EXTL3: variants seen among roughly 807,000 people sequenced by gnomAD.
EXTL3 encodes exostosin like glycosyltransferase 3.
Under a neutral mutation model 69.3 loss-of-function variants are expected in EXTL3, and 27 were observed. The observed-to-expected ratio is 0.39, with a 90% CI of 0.29 to 0.54. The LOEUF is 0.54. EXTL3 is among the 20% of genes least tolerant of loss of function. EXTL3 has a pLI of 0.69. For missense variants in EXTL3, 1,003 were observed against 1,231.8 expected (o/e 0.81, Z 2.78); for synonymous variants, 511 against 499.4 (o/e 1.02, Z -0.31).
intron 3 of EXTL3, among the ~76,000 whole-genome samples, chr8:28,727,526 A>G (rs1195565826): frequency 6.6e-6 from 1 of 152,170 alleles, no homozygotes; most frequent in African/African-American, 2.4e-5. Context: ...CTAGATATCA[A>G]ATCATTGTAG....
chr8:28,740,306 C>CT (rs1258777848), intron 5 of EXTL3: 1 of 152,158 alleles, frequency 6.6e-6, no homozygotes, highest in African/African-American at 2.4e-5. Context: ...TTTTATGAGA[C>CT]TGAGTTTTGC....
chr8:28,723,150 A>G (rs933890648), intron 3 of EXTL3, among the ~76,000 whole-genome samples: 18 of 152,222 alleles, frequency 1.2e-4, no homozygotes, highest in African/African-American at 4.3e-4. Context: ...ACTTTTAAAA[A>G]TATCCCTTGA....
intron 1 of EXTL3, among the ~76,000 whole-genome samples, chr8:28,636,355 T>C (rs1167027593): frequency 6.6e-6 from 1 of 150,858 alleles, no homozygotes; most frequent in Non-Finnish European, 1.5e-5. Flanking sequence ...AACAAATGTC[T>C]AACTCGCCAG....
chr8:28,710,974 A>G (rs2130723713), intron 1 of EXTL3, among the ~76,000 whole-genome samples: 1 of 152,342 alleles, frequency 6.6e-6, no homozygotes, highest in South Asian at 2.1e-4. Flanking sequence ...TTAAATGTTC[A>G]GTAGAATTCT....
intron 5 of EXTL3, chr8:28,742,145 C>T (rs1043569593): frequency 3.3e-5 from 5 of 152,118 alleles, no homozygotes; most frequent in Admixed American, 2.6e-4. Flanking sequence ...TCAACATCAA[C>T]AGTAGATATA....
At chr8:28,722,289 G>T (rs905004722) in intron 3 of EXTL3, among the ~76,000 whole-genome samples, 1 of 152,202 alleles carries the variant, frequency 6.6e-6, no homozygotes, top group South Asian at 2.1e-4. Flanking sequence ...CCCTTGGAGG[G>T]TGTTGAGCAG....
intron 1 of EXTL3, among the ~76,000 whole-genome samples, chr8:28,707,870 G>A (rs1412569998): frequency 6.6e-6 from 1 of 152,200 alleles, no homozygotes; most frequent in East Asian, 1.9e-4. Flanking sequence ...TAAGGCAATG[G>A]CATAATTTTC....
chr8:28,654,002 C>T (rs1211514111), intron 1 of EXTL3, among the ~76,000 whole-genome samples: 1 of 152,168 alleles, frequency 6.6e-6, no homozygotes, highest in African/African-American at 2.4e-5. Flanking sequence ...AATATTAAGT[C>T]TTCCAATCCA....
upstream of EXTL3, chr8:28,700,398 T>A (rs1800761920): frequency 1.3e-5 from 2 of 152,222 alleles, no homozygotes; most frequent in African/African-American, 4.8e-5. Context: ...ACGTTATCCT[T>A]AGCCCAAGCT....
chr8:28,610,899 C>T (rs528266037), intron 2 of EXTL3, among the ~76,000 whole-genome samples: 53 of 152,242 alleles, frequency 3.5e-4, no homozygotes, highest in Admixed American at 1.9e-3. Context: ...CCTGCCACCA[C>T]GCCTGGCTAA....
At chr8:28,676,669 C>T (rs1296214031) in intron 1 of EXTL3, among the ~76,000 whole-genome samples, 1 of 152,056 alleles carries the variant, frequency 6.6e-6, no homozygotes, top group Admixed American at 6.5e-5. Flanking sequence ...GATGAGATCA[C>T]GTAGGGAAAT....
At chr8:28,629,303 C>T (rs376055597) in intron 1 of EXTL3, among the ~76,000 whole-genome samples, 8 of 152,144 alleles carry the variant, frequency 5.3e-5, no homozygotes, top group African/African-American at 1.9e-4. Flanking sequence ...TGCTACAGCA[C>T]ATTCATAGGA....
chr8:28,743,739 T>G (rs554200871), intron 6 of EXTL3, among the ~76,000 whole-genome samples: 1 of 152,370 alleles, frequency 6.6e-6, no homozygotes, highest in Admixed American at 6.5e-5. Flanking sequence ...TCGTTTCCTT[T>G]GTCATCCTGT....
At chr8:28,672,124 TG>T (rs1412415069) in intron 1 of EXTL3, among the ~76,000 whole-genome samples, 4 of 151,968 alleles carry the variant, frequency 2.6e-5, no homozygotes, top group Non-Finnish European at 5.9e-5. Flanking sequence ...CCTTAGAATA[TG>T]GTTTTCTGGC....
upstream of EXTL3, among the ~76,000 whole-genome samples, chr8:28,619,085 C>A (rs1299297296): frequency 1.1e-5 from 1 of 88,132 alleles, no homozygotes; most frequent in Non-Finnish European, 2.2e-5. Flanking sequence ...GCGTGAGACT[C>A]CGTCTCAAAA....
rs148817806 is a variant in EXTL3 at position 28,614,622 on chromosome 8, G to A, written n.314+6864G>A. 1.6e-3 allele frequency among the ~76,000 whole-genome samples: 246 copies of A among 152,200 alleles called. 5 individuals are homozygous for A. The highest frequency in any genetic ancestry group is 5.8e-3 in the African/African-American group (239 of 41,536). On this transcript the variant is annotated intron_variant and non_coding_transcript_variant, in intron 2 of 4. Coordinates refer to the EXTL3 transcript ENST00000522725. ...GTTTTTAAATTTTCCTGAGGTGGAA[G>A]CTTAGGTTGCTGGTTTTGGATATTT...
chr8:28,666,247 C>CTCTTT (rs141174121), intron 1 of EXTL3, among the ~76,000 whole-genome samples: 2,037 of 152,102 alleles, frequency 0.013, 33 homozygotes, highest in African/African-American at 0.044. Flanking sequence ...TTCTTGCTGT[C>CTCTTT]TCTTTTCTTT....
intron 1 of EXTL3, among the ~76,000 whole-genome samples, chr8:28,660,702 C>G (rs987120630): frequency 6.6e-6 from 1 of 152,090 alleles, no homozygotes; most frequent in Non-Finnish European, 1.5e-5. Flanking sequence ...TACTAACTCT[C>G]CATTCCCCAT....
At chr8:28,731,698 T>C (rs7017709) in intron 4 of EXTL3, among the ~76,000 whole-genome samples, 2,646 of 152,152 alleles carry the variant, frequency 0.017, 91 homozygotes, top group African/African-American at 0.06. Flanking sequence ...GTAGGGTAGT[T>C]CTCTAAAGGA....
Sources: allele counts gnomAD v4.1 joint callset (sites outside exome capture counted in the v4.1 genomes callset), GRCh38; gene constraint gnomAD v4.1.1; transcripts MANE v1.5; gene names NCBI Gene and HGNC (gene_info 2026-07-23, HGNC 2026-07-21).